The following RBFOX1 variants were observed in gnomAD, a reference collection of about 807,000 sequenced individuals.
The protein encoded by RBFOX1 is RNA binding fox-1 homolog 1, also known as RNA binding protein fox-1 homolog 1.
Under a neutral mutation model 57.7 loss-of-function variants are expected in RBFOX1, and 8 were observed. The ratio of observed to expected loss-of-function variants is 0.14; its 90% confidence interval spans 0.08 to 0.25. RBFOX1 has a LOEUF of 0.25. Ranked by LOEUF, RBFOX1 falls within the 10% of genes least tolerant of loss-of-function variation. The probability of loss-of-function intolerance (pLI) is 1.00; values close to 1 mark genes in which losing one functional copy is unlikely to be tolerated. For synonymous variants in RBFOX1, 326 were observed against 222.4 expected (o/e 1.47, Z -4.15); for missense variants, 611 against 548.5 (o/e 1.11, Z -1.14).
At chr16:6,960,191 G>C (rs1332937056) in intron 3 of RBFOX1, among the ~76,000 whole-genome samples, 1 of 152,116 alleles carries the variant, frequency 6.6e-6, no homozygotes, top group African/African-American at 2.4e-5. Context: ...GATTTAGCAG[G>C]AGACAAGAGA....
chr16:5,325,177 G>A (rs2064532088), intron 1 of RBFOX1, among the ~76,000 whole-genome samples: 1 of 151,980 alleles, frequency 6.6e-6, no homozygotes, highest in African/African-American at 2.4e-5. Flanking sequence ...TGTGTGCTTG[G>A]CCCTTCTTCT....
intron 4 of RBFOX1, among the ~76,000 whole-genome samples, chr16:5,988,144 G>C (rs553834423): frequency 2.0e-5 from 3 of 152,032 alleles, no homozygotes; most frequent in Non-Finnish European, 4.4e-5. Context: ...CTTCTCTTTG[G>C]GCTGTAACTA....
intron 3 of RBFOX1, among the ~76,000 whole-genome samples, chr16:7,019,335 T>A (rs1204921118): frequency 6.6e-6 from 1 of 152,150 alleles, no homozygotes; most frequent in East Asian, 1.9e-4. Flanking sequence ...TCATATAAAA[T>A]GAATTCTTTG....
chr16:6,567,820 T>A (rs1400252746), intron 2 of RBFOX1, among the ~76,000 whole-genome samples: 2 of 152,156 alleles, frequency 1.3e-5, no homozygotes, highest in Admixed American at 6.6e-5. Flanking sequence ...TTTTTTAAAA[T>A]TTTTTAAAAT....
chr16:5,365,731 C>G (rs574581802), intron 1 of RBFOX1: 22 of 424,236 alleles, frequency 5.2e-5, no homozygotes, highest in Middle Eastern at 8.5e-4. Context: ...CATGGCTGTT[C>G]TCTTGAGCAG....
intron 2 of RBFOX1, among the ~76,000 whole-genome samples, chr16:6,429,570 C>CAG (rs2094020043): frequency 6.6e-6 from 1 of 152,114 alleles, no homozygotes; most frequent in Non-Finnish European, 1.5e-5. Flanking sequence ...TTGGCTGTGT[C>CAG]CCCACCCAAA....
chr16:6,743,881 A>C (rs75732072), intron 3 of RBFOX1, among the ~76,000 whole-genome samples: 2 of 140,858 alleles, frequency 1.4e-5, no homozygotes, highest in Non-Finnish European at 3.1e-5. Flanking sequence ...TTTCCTATAC[A>C]TTAATTAAGG....
At chr16:6,943,382 T>C (rs1054286922) in intron 3 of RBFOX1, among the ~76,000 whole-genome samples, 3 of 152,156 alleles carry the variant, frequency 2.0e-5, no homozygotes, top group Admixed American at 6.5e-5. Flanking sequence ...GCTAGCTTAA[T>C]AGACAGACAA....
At position 5,956,283 on chromosome 16, in the gene RBFOX1, A is replaced by C. The variant is rs949737719; in HGVS notation, c.351+88948A>C. On this transcript the variant is annotated intron_variant, in intron 4 of 19. Coordinates refer to the RBFOX1 transcript ENST00000641259. ...GGAGTGAAACTGTTTCAAAATGAAC[A>C]AACAAACAAACTAAATATGTATTAA... Among the ~76,000 whole-genome samples, 2 of 152,152 alleles carry C rather than the reference A, an allele frequency of 1.3e-5. 1 individual carries two copies. Among genetic ancestry groups the C allele is most frequent in the South Asian group, 4.1e-4 (2 of 4,830 alleles).
intron 4 of RBFOX1, among the ~76,000 whole-genome samples, chr16:7,092,225 G>A (rs1434693715): frequency 6.6e-6 from 1 of 152,120 alleles, no homozygotes; most frequent in East Asian, 1.9e-4. Context: ...GTTTGTTGTT[G>A]TTTGTTTCTC....
intron 4 of RBFOX1, among the ~76,000 whole-genome samples, chr16:5,876,692 TTCCATAGCATTA>T (rs1370677185): frequency 1.3e-5 from 2 of 152,200 alleles, no homozygotes; most frequent in Non-Finnish European, 2.9e-5. Context: ...CACCATTTAT[TTCCATAGCATTA>T]TACATTCCAA....
chr16:6,946,666 G>C (rs573233355), intron 3 of RBFOX1, among the ~76,000 whole-genome samples: 1 of 144,056 alleles, frequency 6.9e-6, no homozygotes, highest in Non-Finnish European at 1.6e-5. Context: ...GCGGTAGTGA[G>C]ATCACAGTTC....
rs192357739 is a variant in RBFOX1 at position 5,947,410 on chromosome 16, C to G, written c.351+80075C>G. Among the ~76,000 whole-genome samples the G allele has an allele frequency of 2.2e-4, 33 of 152,272 alleles. No individual in the cohort carries two copies. Among genetic ancestry groups the G allele is most frequent in the Admixed American group, 1.5e-3 (23 of 15,300 alleles). On this transcript the variant is annotated intron_variant, in intron 4 of 19. Transcript: ENST00000641259. The surrounding 1 kb of genome is among the most constrained non-coding windows in gnomAD (Gnocchi z 7.2). ...TTTCAGACAGGGTCTTGCTCTCGCT[C>G]AGACTGGAGTGCATTGGTATGATCA... is the stretch of plus-strand genomic sequence containing the variant.
intron 1 of RBFOX1, among the ~76,000 whole-genome samples, chr16:6,285,074 G>A (rs530910151): frequency 6.6e-6 from 1 of 152,068 alleles, no homozygotes; most frequent in Admixed American, 6.6e-5. Context: ...TGATTTCTTC[G>A]TTGTTGTTTC....
intron 3 of RBFOX1, among the ~76,000 whole-genome samples, chr16:5,623,250 G>T (rs530854715): frequency 8.5e-5 from 13 of 152,246 alleles, no homozygotes; most frequent in African/African-American, 3.1e-4. Flanking sequence ...ACTGTTTTCC[G>T]TTTCCCAGTG....
At chr16:5,562,558 G>T (rs1246716378) in intron 2 of RBFOX1, among the ~76,000 whole-genome samples, 1 of 152,072 alleles carries the variant, frequency 6.6e-6, no homozygotes, top group Non-Finnish European at 1.5e-5. Flanking sequence ...GGGATCAGAG[G>T]ATTACCCACT....
At chr16:7,325,635 T>A (rs1193188417) in intron 4 of RBFOX1, among the ~76,000 whole-genome samples, 1 of 152,342 alleles carries the variant, frequency 6.6e-6, no homozygotes, top group South Asian at 2.1e-4. Flanking sequence ...CACTGAGATT[T>A]CCAATGGGGG....
chr16:6,669,097 C>T (rs755971114), intron 3 of RBFOX1, among the ~76,000 whole-genome samples: 1 of 152,100 alleles, frequency 6.6e-6, no homozygotes, highest in Non-Finnish European at 1.5e-5. Context: ...TTATGTTTTC[C>T]CAGCACTTTT....
At chr16:7,039,150 T>A (rs1232065386) in intron 3 of RBFOX1, among the ~76,000 whole-genome samples, 1 of 152,244 alleles carries the variant, frequency 6.6e-6, no homozygotes, top group Non-Finnish European at 1.5e-5. Flanking sequence ...TAGGATATGC[T>A]CCATAAAGTA....
Sources: allele counts gnomAD v4.1 joint callset (sites outside exome capture counted in the v4.1 genomes callset), GRCh38; gene constraint gnomAD v4.1.1; non-coding constraint Gnocchi (gnomAD v3.1); transcripts MANE v1.5; gene names NCBI Gene and HGNC (gene_info 2026-07-23, HGNC 2026-07-21).